MPND: variants seen among roughly 807,000 people sequenced by gnomAD.
MPND encodes MPN domain containing.
MPND carries 56 observed loss-of-function variants against 59.2 expected under a neutral mutation model. That is an observed-to-expected ratio of 0.95 (90% confidence interval 0.76 to 1.18). The LOEUF is 1.18. MPND is among the 50% of genes most tolerant of loss of function. MPND has a pLI of 0.00. For missense variants in MPND, 671 were observed against 676.0 expected (o/e 0.99, Z 0.08); for synonymous variants, 323 against 291.9 (o/e 1.11, Z -1.09).
At chr19:4,353,063 G>A (rs771260074) in intron 4 of MPND, 34 bp downstream of exon 4, 2 of 1,319,872 alleles carry the variant, frequency 1.5e-6, no homozygotes, top group African/African-American at 1.5e-5. Context: ...CAGGACAGGG[G>A]CGGATACAGC....
At chr19:4,350,972 C>T (rs1232339811) in intron 3 of MPND, among the ~76,000 whole-genome samples, 5 of 151,988 alleles carry the variant, frequency 3.3e-5, no homozygotes, top group South Asian at 4.2e-4. Context: ...GTGTGAGGAC[C>T]GTGTCCTGGT....
At chr19:4,355,248 G>C in intron 8 of MPND, 75 bp downstream of exon 8, 2 of 1,484,206 alleles carry the variant, frequency 1.3e-6, no homozygotes, top group Non-Finnish European at 1.9e-6. Context: ...ACTGCCCAGT[G>C]GCTGGCAGTG....
chr19:4,355,135 C>T lies in MPND; in HGVS notation c.958C>T (p.Leu320Phe), dbSNP rs779451087. ...VLRAFPCRSRLGDAETAAAIE... is the reference protein window; with the variant it reads ...VLRAFPCRSRFGDAETAAAIE... ...CAGAGCCTTCCCTTGTCGGAGCCGGCTCGGGGACGCAGAGACTGCAGCTGC... is the reference window on the plus strand; with the variant it reads ...CAGAGCCTTCCCTTGTCGGAGCCGGTTCGGGGACGCAGAGACTGCAGCTGC... The change falls in exon 8 of 13, where the codon CTC (leucine) becomes TTC (phenylalanine). Residue 320 changes from leucine (L) to phenylalanine (F), a missense_variant. Transcript: ENST00000599840. The T allele has an allele frequency of 4.3e-5, 70 of 1,613,474 alleles. 3 individuals are homozygous for T. In the South Asian group the frequency reaches 7.4e-4, roughly 17 times the overall value.
chr19:4,351,861 C>CAAAAAAA (rs1217874445), intron 3 of MPND, among the ~76,000 whole-genome samples: 16,620 of 50,290 alleles, frequency 0.33, 2,840 homozygotes, highest in Non-Finnish European at 0.39. Context: ...GACTCTGTCT[C>CAAAAAAA]AAAAAAAAAA....
intron 11 of MPND, chr19:4,358,402 T>A: frequency 1.8e-6 from 1 of 551,642 alleles, no homozygotes; most frequent in African/African-American, 1.9e-5. Context: ...GGCACTGGCC[T>A]CTTCTGCCAG....
intron 2 of MPND, among the ~76,000 whole-genome samples, chr19:4,345,236 G>A (rs1184769946): frequency 2.0e-5 from 3 of 151,204 alleles, no homozygotes; most frequent in Non-Finnish European, 4.4e-5. Context: ...TAGTAGAGAT[G>A]GGGTTTCACC....
intron 4 of MPND, 94 bp from the exon 5 acceptor site, chr19:4,353,951 T>C: frequency 9.3e-7 from 1 of 1,076,628 alleles, no homozygotes; most frequent in Non-Finnish European, 1.4e-6. Context: ...GCTTCAGCAC[T>C]GGGATTATAG....
chr19:4,350,488 G>A (rs865985299), intron 3 of MPND, among the ~76,000 whole-genome samples: 1 of 152,194 alleles, frequency 6.6e-6, no homozygotes, highest in Admixed American at 6.5e-5. Flanking sequence ...CAGGGCAGAG[G>A]TGAGTGAGCT....
intron 8 of MPND, among the ~76,000 whole-genome samples, chr19:4,356,124 T>A (rs1972434005): frequency 6.6e-6 from 1 of 152,206 alleles, no homozygotes; most frequent in Non-Finnish European, 1.5e-5. Context: ...AGTGCTGGGA[T>A]TACAGGTGTG....
intron 8 of MPND, 92 bp downstream of exon 8, chr19:4,355,265 C>G: frequency 7.4e-7 from 1 of 1,353,412 alleles, no homozygotes; most frequent in African/African-American, 1.4e-5. Flanking sequence ...AGTGTCATCA[C>G]CCAGCAACCG....
chr19:4,344,800 T>A (rs8113766), intron 2 of MPND, among the ~76,000 whole-genome samples: 2 of 147,672 alleles, frequency 1.4e-5, no homozygotes, highest in African/African-American at 2.5e-5. Context: ...ATGCAGTTGC[T>A]CGATCTCGGC....
At chr19:4,359,699 C>A (rs1233772720) in intron 12 of MPND, among the ~76,000 whole-genome samples, 1 of 152,090 alleles carries the variant, frequency 6.6e-6, no homozygotes, top group Non-Finnish European at 1.5e-5. Context: ...TGCACATAAG[C>A]CCCACCCCTC....
At chr19:4,358,240 T>A in intron 11 of MPND, 68 bp downstream of exon 11, 1 of 1,387,510 alleles carries the variant, frequency 7.2e-7, no homozygotes, top group Non-Finnish European at 1.0e-6. Context: ...TGCGTTGGTC[T>A]GCTTCCCACC....
At chr19:4,348,277 T>C (rs1972233303) in intron 3 of MPND, 1 of 146,886 alleles carries the variant, frequency 6.8e-6, no homozygotes, top group East Asian at 2.0e-4. Context: ...TTTTTTTTTT[T>C]TGAGACGGAG....
chr19:4,356,144 G>A (rs1289021349), intron 8 of MPND, among the ~76,000 whole-genome samples: 6 of 152,072 alleles, frequency 3.9e-5, no homozygotes, highest in Middle Eastern at 3.2e-3. Context: ...GAGCCACCGC[G>A]CCCAGCCTAA....
Position 4,352,901 on chromosome 19 carries a change from C to T in MPND, c.536C>T (p.Pro179Leu). The change falls in exon 4 of 13, where the codon CCA becomes CTA. Residue 179 changes from proline to leucine, a missense_variant. Pro to Leu is a moderately conservative substitution (Grantham distance 98). Transcript: ENST00000599840. ...HTPATAADES[P>L]ASEGEEEELL... ...CCTGACCCCTAACCCCTGCAGAGCCCAGCCAGTGAAGGGGAGGAGGAGGAG... is the reference window on the plus strand; with the variant it reads ...CCTGACCCCTAACCCCTGCAGAGCCTAGCCAGTGAAGGGGAGGAGGAGGAG... The T allele has an allele frequency of 1.4e-6, 2 of 1,384,976 alleles. No homozygotes were observed. Among genetic ancestry groups the T allele is most frequent in the Non-Finnish European group, 1.9e-6 (2 of 1,060,842 alleles). 85.8% of individuals were successfully genotyped at this position (1,384,976 alleles called of 1,614,324 possible). A position where few individuals can be genotyped will look rare whatever the true frequency, so the allele number is the denominator to read the frequency against.
At chr19:4,351,423 G>C (rs1048076077) in intron 3 of MPND, among the ~76,000 whole-genome samples, 1 of 152,200 alleles carries the variant, frequency 6.6e-6, no homozygotes, top group African/African-American at 2.4e-5. Flanking sequence ...GTTACTGAAA[G>C]ACGTGAAAGC....
At chr19:4,354,813 A>G (rs10407203) in intron 6 of MPND, 136 bp from the exon 7 acceptor site, 484,763 of 864,628 alleles carry the variant, frequency 0.56, 137,936 homozygotes, top group East Asian at 0.74. Context: ...GCGGTGAGCC[A>G]AGATCGTGCC....
At position 4,354,380 on chromosome 19, in the gene MPND, C is replaced by T. The variant is rs755485026; in HGVS notation, c.806C>T (p.Pro269Leu). The T allele has an allele frequency of 1.0e-5, 16 of 1,561,952 alleles. No homozygotes were observed. The East Asian group carries it at 1.2e-4, about 12-fold the overall frequency. The stretch of plus-strand genomic sequence containing the variant: ...TTTGCAGCCATCAACAAGTTCCAGC[C>T]GTTCAACGTGGCTGTTTCTAGCAAC... ...TSFAAINKFQ[P>L]FNVAVSSNVL... Residue 269 changes from proline (P) to leucine (L), a missense_variant, in exon 6 of 13, where the codon CCG (proline) becomes CTG (leucine). Transcript: ENST00000599840.
Sources: allele counts gnomAD v4.1 joint callset (sites outside exome capture counted in the v4.1 genomes callset), GRCh38; gene constraint gnomAD v4.1.1; transcripts MANE v1.5; gene names NCBI Gene and HGNC (gene_info 2026-07-23, HGNC 2026-07-21).